Variants in NF1 observed in about 807,000 individuals in gnomAD.
NF1 encodes neurofibromin.
NF1 carries 122 observed loss-of-function variants against 325.7 expected under a neutral mutation model. The observed-to-expected ratio is 0.37, with a 90% CI of 0.32 to 0.44. NF1 has a LOEUF of 0.44. Among genes scored for constraint, NF1 ranks in the 20% least tolerant of loss-of-function variants. NF1 has a pLI of 1.00. For missense variants in NF1, 2,140 were observed against 3,415.4 expected (o/e 0.63, Z 9.31); for synonymous variants, 1,091 against 1,186.0 (o/e 0.92, Z 1.65).
At chr17:31,162,535 G>A (rs1177460294) in intron 3 of NF1, among the ~76,000 whole-genome samples, 1 of 152,154 alleles carries the variant, frequency 6.6e-6, no homozygotes, top group African/African-American at 2.4e-5. Context: ...ACATTTTGGG[G>A]GCAGTGGTGA....
rs759639187 is a variant in NF1 at position 31,327,558 on chromosome 17, A to T, written c.5328A>T (p.Ser1776=). The change falls in exon 38 of 58, where the codon TCA becomes TCT. Residue 1776 remains serine, a synonymous_variant. Coordinates refer to ENST00000358273, the MANE Select transcript of NF1 (RefSeq NM_001042492.3). ...AGCGAACAAAAGTCCTAGGGCAATC[A>T]GTCTTTCTAAATGACATTTATTATG... ...SAERTKVLGQ[S]VFLNDIYYAS... is the part of the protein sequence containing the mutation. The T allele has an allele frequency of 6.2e-7, 1 of 1,614,224 alleles. No individual in the cohort carries two copies. Among genetic ancestry groups the T allele is most frequent in the South Asian group, 1.1e-5 (1 of 91,084 alleles).
intron 1 of NF1, among the ~76,000 whole-genome samples, chr17:31,105,254 G>A (rs1912752119): frequency 6.6e-6 from 1 of 152,146 alleles, no homozygotes; most frequent in African/African-American, 2.4e-5. Flanking sequence ...TTGAGACAAA[G>A]CCTCAAGCTA....
At chr17:31,350,469 G>T in intron 50 of NF1, 151 bp downstream of exon 50, 1 of 669,490 alleles carries the variant, frequency 1.5e-6, no homozygotes, top group South Asian at 1.8e-5. Context: ...TTTTATAAAT[G>T]TGTGGTATTT....
In NF1 at chr17:31,336,340, A is replaced by G; in HGVS notation, c.6014A>G (p.Asp2005Gly). 1 of 1,614,052 alleles carries G rather than the reference A, an allele frequency of 6.2e-7. No homozygotes were observed. Among genetic ancestry groups the G allele is most frequent in the Non-Finnish European group, 8.5e-7 (1 of 1,179,978 alleles). ...TTTTCCTTCTTCAACTAGATTACAGATCTGCTTGATGTTGTACTAGACAGT... is the reference window on the plus strand; with the variant it reads ...TTTTCCTTCTTCAACTAGATTACAGGTCTGCTTGATGTTGTACTAGACAGT... Reference protein sequence around the residue: ...KIWGSLGQITDLLDVVLDSFI... With the variant: ...KIWGSLGQITGLLDVVLDSFI... Residue 2005 changes from aspartate (D) to glycine (G), a missense_variant, in exon 41 of 58, where the codon GAT (aspartate) becomes GGT (glycine). Around this residue, in one of 10 missense-constraint regions of NF1, gnomAD observed 180 missense variants for 435.1 expected, o/e 0.41. Coordinates refer to ENST00000358273, the MANE Select transcript of NF1 (RefSeq NM_001042492.3). This position sits in a 1 kb window ranked among gnomAD's most constrained non-coding sequence, Gnocchi z 5.5.
At chr17:31,232,631 G>T in intron 25 of NF1, 69 bp from the exon 26 acceptor site, 1 of 1,432,926 alleles carries the variant, frequency 7.0e-7, no homozygotes, top group Non-Finnish European at 9.8e-7. Context: ...TGATTGTTTT[G>T]GAATGTCTGG....
At chr17:31,358,340 A>G in intron 54 of NF1, 140 bp from the exon 55 acceptor site, 3 of 843,410 alleles carry the variant, frequency 3.6e-6, no homozygotes, top group Non-Finnish European at 3.7e-6. Context: ...AAATGAAGAA[A>G]TGCCCCAGAA....
intron 5 of NF1, among the ~76,000 whole-genome samples, chr17:31,172,920 TGA>T (rs2065955102): frequency 6.6e-6 from 1 of 152,052 alleles, no homozygotes. Context: ...TGAAAAATAA[TGA>T]GAGTTGTGGA....
At chr17:31,327,111 G>A (rs1487613961) in intron 37 of NF1, among the ~76,000 whole-genome samples, 1 of 151,958 alleles carries the variant, frequency 6.6e-6, no homozygotes, top group Non-Finnish European at 1.5e-5. Flanking sequence ...TGGGATTATA[G>A]GCGCCCACCG....
rs781519491 is a variant in NF1 at position 31,181,466 on chromosome 17, G to A, written c.631G>A (p.Ala211Thr). 14 of 1,613,436 alleles carry A rather than the reference G, an allele frequency of 8.7e-6. No individual in the cohort carries two copies. The highest frequency in any genetic ancestry group is 1.2e-5 in the Non-Finnish European group (14 of 1,179,686). ...AGCCCTAAAGAAGGTTGCGCAGTTA[G>A]CAGTTATAAATAGCCTGGAAAAGGT... ...FKALKKVAQL[A>T]VINSLEKAFW... Residue 211 changes from alanine (A) to threonine (T), a missense_variant, in exon 6 of 58, where the codon GCA becomes ACA. By Grantham distance (58) the Ala-to-Thr change is moderately conservative. Transcript: ENST00000358273.
intron 29 of NF1, among the ~76,000 whole-genome samples, chr17:31,236,823 A>G (rs1030219793): frequency 1.3e-5 from 2 of 152,048 alleles, no homozygotes; most frequent in Non-Finnish European, 2.9e-5. Context: ...ACGAACAAAG[A>G]AATATGCTTT....
At chr17:31,312,802 A>C (rs1221732589) in intron 36 of NF1, among the ~76,000 whole-genome samples, 1 of 152,146 alleles carries the variant, frequency 6.6e-6, no homozygotes, top group Non-Finnish European at 1.5e-5. Flanking sequence ...GAAATGGGAT[A>C]TCACCCACTA....
At chr17:31,180,724 T>C (rs184198069) in intron 5 of NF1, among the ~76,000 whole-genome samples, 3 of 152,256 alleles carry the variant, frequency 2.0e-5, no homozygotes, top group Admixed American at 2.0e-4. Flanking sequence ...CTATTCAAAC[T>C]AATATTGGAA....
chr17:31,292,037 A>G (rs778602976), intron 36 of NF1, among the ~76,000 whole-genome samples: 3 of 152,174 alleles, frequency 2.0e-5, no homozygotes, highest in Non-Finnish European at 4.4e-5. Context: ...TATGTGAATT[A>G]TGTCATTTAA....
chr17:31,293,534 T>C (rs2068395373), intron 36 of NF1, among the ~76,000 whole-genome samples: 1 of 152,194 alleles, frequency 6.6e-6, no homozygotes, highest in Admixed American at 6.5e-5. Context: ...TGAAGCTTAA[T>C]GGTAATTTTT....
chr17:31,105,964 C>T (rs922848365), intron 1 of NF1, among the ~76,000 whole-genome samples: 2 of 152,186 alleles, frequency 1.3e-5, no homozygotes, highest in African/African-American at 4.8e-5. Context: ...GATTATTTAA[C>T]TTATTTTTAA....
At chr17:31,148,107 T>G (rs965764854) in intron 1 of NF1, among the ~76,000 whole-genome samples, 3 of 152,232 alleles carry the variant, frequency 2.0e-5, no homozygotes, top group African/African-American at 2.4e-5. Context: ...TCAGTAGCTC[T>G]CTGAATTCTT....
At chr17:31,275,430 TGAGA>T (rs1032066375) in intron 36 of NF1, among the ~76,000 whole-genome samples, 1 of 152,196 alleles carries the variant, frequency 6.6e-6, no homozygotes, top group African/African-American at 2.4e-5. Flanking sequence ...TAAGATATTT[TGAGA>T]GAGATGCCAT....
chr17:31,228,882 T>C, intron 20 of NF1, 143 bp from the exon 21 acceptor site: 1 of 644,216 alleles, frequency 1.6e-6, no homozygotes, highest in East Asian at 2.8e-5. Flanking sequence ...AAAATGTATA[T>C]GGTAATTTTA....
chr17:31,306,393 T>C (rs1333840131), intron 36 of NF1, among the ~76,000 whole-genome samples: 1 of 152,158 alleles, frequency 6.6e-6, no homozygotes, highest in Non-Finnish European at 1.5e-5. Context: ...CCATATTTTA[T>C]ATATATAGAT....
Sources: gnomAD v4.1 joint callset for allele counts (sites outside exome capture counted in the v4.1 genomes callset) on GRCh38, gnomAD v4.1.1 for gene constraint, gnomAD v4.1.1 regional missense constraint, Gnocchi (gnomAD v3.1) non-coding constraint, MANE v1.5 for transcripts, NCBI Gene and HGNC (gene_info 2026-07-23, HGNC 2026-07-21) for gene names.